The following FGGY variants were observed in gnomAD, a reference collection of about 807,000 sequenced individuals.
FGGY encodes FGGY carbohydrate kinase domain-containing protein.
In FGGY, 72 loss-of-function variants were observed where a neutral mutation model predicts 71.3. The ratio of observed to expected loss-of-function variants is 1.01; its 90% CI spans 0.84 to 1.23. The LOEUF is 1.23. FGGY is among the 50% of genes most tolerant of loss of function. FGGY has a pLI of 0.00. For missense variants in FGGY, 668 were observed against 682.3 expected (o/e 0.98, Z 0.23); for synonymous variants, 251 against 250.3 (o/e 1.00, Z -0.02).
At chr1:59,549,791 AAT>A (rs2095580446) in intron 7 of FGGY, among the ~76,000 whole-genome samples, 2 of 152,200 alleles carry the variant, frequency 1.3e-5, no homozygotes, top group South Asian at 4.1e-4. Context: ...ATTTTACATA[AAT>A]ATAGTAGGGA....
chr1:59,347,273 T>C (rs1484105867), intron 4 of FGGY, among the ~76,000 whole-genome samples: 2 of 115,768 alleles, frequency 1.7e-5, no homozygotes, highest in Admixed American at 1.2e-4. Flanking sequence ...CAGGCCCCGG[T>C]GTGTGATGTT....
chr1:59,453,288 A>C (rs2091370584), intron 5 of FGGY, among the ~76,000 whole-genome samples: 1 of 152,040 alleles, frequency 6.6e-6, no homozygotes, highest in Non-Finnish European at 1.5e-5. Context: ...AGTCATCTTC[A>C]CTCCAGGCAT....
chr1:59,695,661 T>A (rs2097651303), intron 14 of FGGY, among the ~76,000 whole-genome samples: 1 of 152,196 alleles, frequency 6.6e-6, no homozygotes, highest in African/African-American at 2.4e-5. Context: ...ACCCTGTACA[T>A]GTAGTTAGTA....
At chr1:59,473,716 G>C (rs1294064402) in intron 6 of FGGY, among the ~76,000 whole-genome samples, 1 of 152,156 alleles carries the variant, frequency 6.6e-6, no homozygotes, top group Non-Finnish European at 1.5e-5. Context: ...TGGGGCCACC[G>C]ATTAGAGACT....
intron 7 of FGGY, among the ~76,000 whole-genome samples, chr1:59,529,676 G>A (rs2095087258): frequency 6.6e-6 from 1 of 152,166 alleles, no homozygotes. Flanking sequence ...CCGTTTTGGA[G>A]TTTGTGCTTC....
intron 11 of FGGY, among the ~76,000 whole-genome samples, chr1:59,642,894 G>A (rs2153899577): frequency 6.6e-6 from 1 of 151,594 alleles, no homozygotes; most frequent in East Asian, 2.0e-4. Context: ...AATTAGCCGG[G>A]CATGGTGGCG....
chr1:59,607,519 G>C (rs1398092001), intron 8 of FGGY, among the ~76,000 whole-genome samples: 1 of 152,144 alleles, frequency 6.6e-6, no homozygotes, highest in Non-Finnish European at 1.5e-5. Flanking sequence ...TGGAGAATGG[G>C]GACCACCTTT....
chr1:59,649,817 C>T (rs1292401616), intron 11 of FGGY, among the ~76,000 whole-genome samples: 1 of 141,902 alleles, frequency 7.0e-6, no homozygotes, highest in Non-Finnish European at 1.5e-5. Context: ...GAGGGCATCC[C>T]TGTCTTGTGC....
At chr1:59,397,378 G>T (rs186675954) in intron 5 of FGGY, among the ~76,000 whole-genome samples, 1 of 152,194 alleles carries the variant, frequency 6.6e-6, no homozygotes, top group Non-Finnish European at 1.5e-5. Context: ...AGCAGGTTCA[G>T]ATAACAAACA....
At chr1:59,742,106 A>C (rs1280988150) in intron 14 of FGGY, among the ~76,000 whole-genome samples, 1 of 152,116 alleles carries the variant, frequency 6.6e-6, no homozygotes, top group Non-Finnish European at 1.5e-5. Context: ...CTGTCTCAAA[A>C]AGTAAAGTAA....
chr1:59,568,440 C>T (rs2095913979), intron 8 of FGGY, among the ~76,000 whole-genome samples: 1 of 109,646 alleles, frequency 9.1e-6, no homozygotes, highest in Non-Finnish European at 1.7e-5. Flanking sequence ...TTGTTACTCC[C>T]AGCAAATTCT....
At chr1:59,580,188 A>G (rs4504912) in intron 8 of FGGY, among the ~76,000 whole-genome samples, 30,981 of 152,062 alleles carry the variant, frequency 0.2, 4,258 homozygotes, top group African/African-American at 0.38. Context: ...TTCTACACAC[A>G]GTTATCGTCC....
At chr1:59,712,010 C>CA (rs1449333419) in intron 14 of FGGY, among the ~76,000 whole-genome samples, 5 of 152,176 alleles carry the variant, frequency 3.3e-5, no homozygotes, top group African/African-American at 4.8e-5. Context: ...TCATCTGAGA[C>CA]AAGGCAAGTC....
intron 6 of FGGY, among the ~76,000 whole-genome samples, chr1:59,470,056 A>G (rs916810871): frequency 9.2e-5 from 14 of 152,164 alleles, no homozygotes; most frequent in African/African-American, 3.4e-4. Context: ...GCTGCAGTGA[A>G]CATACATGTA....
intron 7 of FGGY, among the ~76,000 whole-genome samples, chr1:59,536,518 C>T (rs1320447317): frequency 6.6e-6 from 1 of 152,132 alleles, no homozygotes; most frequent in Non-Finnish European, 1.5e-5. Flanking sequence ...CAGGCAGAGA[C>T]ACAACCAAAA....
chr1:59,632,766 G>A (rs2096919770), intron 10 of FGGY, among the ~76,000 whole-genome samples: 1 of 152,076 alleles, frequency 6.6e-6, no homozygotes, highest in South Asian at 2.1e-4. Flanking sequence ...CTTTTGTATT[G>A]AGAGTCCCCT....
At chr1:59,499,915 A>G (rs1054090131) in intron 6 of FGGY, among the ~76,000 whole-genome samples, 51 of 151,980 alleles carry the variant, frequency 3.4e-4, no homozygotes, top group African/African-American at 1.2e-3. Context: ...ATGTATATAT[A>G]TGTATGTGTG....
intron 7 of FGGY, among the ~76,000 whole-genome samples, chr1:59,553,519 C>T (rs968473303): frequency 2.6e-5 from 4 of 152,162 alleles, no homozygotes; most frequent in East Asian, 3.8e-4. Flanking sequence ...ACTAGGAACT[C>T]GCTCTCAGTC....
intron 5 of FGGY, among the ~76,000 whole-genome samples, chr1:59,417,662 C>T (rs1309050105): frequency 2.0e-5 from 3 of 152,084 alleles, no homozygotes; most frequent in African/African-American, 7.2e-5. Context: ...GAAGTGGTAT[C>T]TCATTGTGGT....
Sources: allele counts gnomAD v4.1 joint callset (sites outside exome capture counted in the v4.1 genomes callset), GRCh38; gene constraint gnomAD v4.1.1; transcripts MANE v1.5; gene names NCBI Gene and HGNC (gene_info 2026-07-23, HGNC 2026-07-21).